ZNF385D: variants seen among roughly 807,000 people sequenced by gnomAD.
The protein encoded by ZNF385D is zinc finger protein 659.
ZNF385D carries 15 observed loss-of-function variants against 35.8 expected under a neutral mutation model. The observed-to-expected ratio is 0.42, with a 90% CI of 0.28 to 0.64. The LOEUF (loss-of-function observed/expected upper bound fraction) is 0.64, where lower values mean the gene tolerates loss of function less well. ZNF385D is among the 30% of genes least tolerant of loss of function. The pLI, the probability that ZNF385D is intolerant of heterozygous loss-of-function variation, is 0.23. For synonymous variants in ZNF385D, 212 were observed against 186.8 expected (o/e 1.13, Z -1.10); for missense variants, 474 against 494.6 (o/e 0.96, Z 0.39).
chr3:22,201,985 A>G (rs1403795765), intron 2 of ZNF385D, among the ~76,000 whole-genome samples: 1 of 152,054 alleles, frequency 6.6e-6, no homozygotes, highest in Non-Finnish European at 1.5e-5. Context: ...GACATATTAA[A>G]AGAGTCCAGA....
intron 3 of ZNF385D, among the ~76,000 whole-genome samples, chr3:21,917,127 G>C (rs1355488125): frequency 6.6e-6 from 1 of 152,232 alleles, no homozygotes; most frequent in East Asian, 1.9e-4. Context: ...AGATATTTTG[G>C]AGAAACAAAA....
intron 2 of ZNF385D, among the ~76,000 whole-genome samples, chr3:22,173,360 G>A (rs1694596096): frequency 6.6e-6 from 1 of 152,170 alleles, no homozygotes; most frequent in Non-Finnish European, 1.5e-5. Context: ...TGTAATAAAT[G>A]TACCGTATTT....
At chr3:21,614,626 T>C (rs896449821) in intron 2 of ZNF385D, among the ~76,000 whole-genome samples, 1 of 152,192 alleles carries the variant, frequency 6.6e-6, no homozygotes, top group Admixed American at 6.5e-5. Context: ...AGTCTCACTA[T>C]GTCACAAGCT....
chr3:21,533,658 G>T (rs2061974592), intron 3 of ZNF385D, among the ~76,000 whole-genome samples: 1 of 152,002 alleles, frequency 6.6e-6, no homozygotes, highest in African/African-American at 2.4e-5. Flanking sequence ...TGTGGCTTAG[G>T]ATTAGAAAGG....
chr3:22,321,655 G>A (rs554207138), intron 2 of ZNF385D, among the ~76,000 whole-genome samples: 10 of 152,180 alleles, frequency 6.6e-5, no homozygotes, highest in South Asian at 2.1e-4. Flanking sequence ...ATGAGCCACC[G>A]CACCCGGCTC....
At chr3:21,886,252 A>T (rs1698540879) in intron 3 of ZNF385D, among the ~76,000 whole-genome samples, 1 of 152,076 alleles carries the variant, frequency 6.6e-6, no homozygotes, top group East Asian at 1.9e-4. Flanking sequence ...TTAAGCCTGG[A>T]TGATGGAAGA....
intron 3 of ZNF385D, among the ~76,000 whole-genome samples, chr3:22,167,838 G>A (rs13095715): frequency 0.088 from 13,352 of 152,010 alleles, 794 homozygotes; most frequent in Non-Finnish European, 0.13. Flanking sequence ...TTAACTAAAC[G>A]TCATACATTT....
intron 3 of ZNF385D, among the ~76,000 whole-genome samples, chr3:21,907,866 T>C (rs973554031): frequency 6.6e-6 from 1 of 152,002 alleles, no homozygotes; most frequent in Non-Finnish European, 1.5e-5. Context: ...TACATATATG[T>C]GGAGACTGAG....
chr3:21,443,098 A>C, intron 4 of ZNF385D: 1 of 981,850 alleles, frequency 1.0e-6, no homozygotes, highest in Non-Finnish European at 1.2e-6. Flanking sequence ...AAAGTGCTTT[A>C]AACGGCCTAG....
chr3:21,673,532 A>G (rs1455815188), intron 1 of ZNF385D, among the ~76,000 whole-genome samples: 1 of 152,098 alleles, frequency 6.6e-6, no homozygotes, highest in Non-Finnish European at 1.5e-5. Flanking sequence ...TGAGGAGAAG[A>G]GTTTTCTCAG....
intron 2 of ZNF385D, among the ~76,000 whole-genome samples, chr3:22,208,478 A>T (rs1346166709): frequency 6.6e-6 from 1 of 151,718 alleles, no homozygotes; most frequent in African/African-American, 2.4e-5. Flanking sequence ...GGGTTAACCG[A>T]GTTGGTTAAT....
At chr3:22,030,484 A>G (rs902678452) in intron 3 of ZNF385D, among the ~76,000 whole-genome samples, 6 of 150,970 alleles carry the variant, frequency 4.0e-5, no homozygotes, top group African/African-American at 1.5e-4. Context: ...AGAGACACAG[A>G]GAGAGAAAGA....
chr3:22,138,244 A>G (rs1704274856), intron 3 of ZNF385D, among the ~76,000 whole-genome samples: 1 of 152,212 alleles, frequency 6.6e-6, no homozygotes, highest in South Asian at 2.1e-4. Flanking sequence ...ATACTGCCCA[A>G]GGCAATTTAT....
At chr3:21,764,436 G>A (rs17009463) in intron 3 of ZNF385D, among the ~76,000 whole-genome samples, 11,595 of 152,162 alleles carry the variant, frequency 0.076, 597 homozygotes, top group South Asian at 0.14. Flanking sequence ...TAAAGCTCTC[G>A]TATAACCAGG....
intron 3 of ZNF385D, among the ~76,000 whole-genome samples, chr3:21,893,456 A>C (rs1698984547): frequency 6.6e-6 from 1 of 152,188 alleles, no homozygotes; most frequent in Non-Finnish European, 1.5e-5. Context: ...GGGAATTAGC[A>C]CATGAGATAT....
At chr3:21,693,945 C>T (rs1467915345) in intron 1 of ZNF385D, among the ~76,000 whole-genome samples, 1 of 148,312 alleles carries the variant, frequency 6.7e-6, no homozygotes, top group African/African-American at 2.5e-5. Context: ...GTTGCGCGAC[C>T]TCGGCTCACT....
At chr3:21,991,257 G>A (rs749992266) in intron 3 of ZNF385D, among the ~76,000 whole-genome samples, 10 of 152,168 alleles carry the variant, frequency 6.6e-5, no homozygotes, top group Non-Finnish European at 1.3e-4. Flanking sequence ...TTCTGGCAAA[G>A]ATCGTTTCAT....
At chr3:21,433,770 TA>T (rs1354952661) in intron 5 of ZNF385D, among the ~76,000 whole-genome samples, 2 of 152,208 alleles carry the variant, frequency 1.3e-5, no homozygotes, top group African/African-American at 4.8e-5. Context: ...GACTACTCCC[TA>T]AAAAATATTT....
At chr3:22,124,633 A>G (rs1419171235) in intron 3 of ZNF385D, among the ~76,000 whole-genome samples, 1 of 152,190 alleles carries the variant, frequency 6.6e-6, no homozygotes, top group Non-Finnish European at 1.5e-5. Flanking sequence ...GTGAGGTAAT[A>G]TATCGCTGTA....
Sources: gnomAD v4.1 joint callset for allele counts (sites outside exome capture counted in the v4.1 genomes callset) on GRCh38, gnomAD v4.1.1 for gene constraint, MANE v1.5 for transcripts, NCBI Gene and HGNC (gene_info 2026-07-23, HGNC 2026-07-21) for gene names.